The following ZNF804B variants were observed in gnomAD, a reference collection of about 807,000 sequenced individuals.
ZNF804B encodes zinc finger protein 804B.
A neutral mutation model predicts 101.4 loss-of-function variants in ZNF804B; 80 were observed. That is an observed-to-expected ratio of 0.79 (90% CI 0.66 to 0.95). The LOEUF (loss-of-function observed/expected upper bound fraction) is 0.95. Among genes scored for constraint, ZNF804B ranks in the 40% least tolerant of loss-of-function variants. The probability of loss-of-function intolerance (pLI) is 0.00; values close to 1 mark genes in which losing one functional copy is unlikely to be tolerated. For synonymous variants in ZNF804B, 622 were observed against 558.8 expected, an observed-to-expected ratio of 1.11 and a Z score of -1.59; for missense variants, 1,673 against 1,561.9, an observed-to-expected ratio of 1.07 and a Z score of -1.20.
intron 1 of ZNF804B, among the ~76,000 whole-genome samples, chr7:89,166,294 C>T (rs1402926092): frequency 6.6e-6 from 1 of 152,160 alleles, no homozygotes; most frequent in Non-Finnish European, 1.5e-5. Flanking sequence ...AACCCCTGCA[C>T]AGTCGAAAAT....
In ZNF804B at chr7:89,337,055, G is replaced by A; in HGVS notation, c.*23G>A. ...TAATAAGTGTTAAAGCCCCTCCTGT[G>A]GATAATTTTTTTAATTGTCACTACC... On this transcript the variant is annotated 3_prime_UTR_variant, in exon 4 of 4. Transcript: ENST00000333190. 5 of 1,574,006 alleles carry A rather than the reference G, an allele frequency of 3.2e-6. No individual in the cohort carries two copies. The highest frequency in any genetic ancestry group is 4.3e-6 in the Non-Finnish European group (5 of 1,159,444).
intron 1 of ZNF804B, among the ~76,000 whole-genome samples, chr7:89,053,527 G>A (rs1180591994): frequency 6.6e-6 from 1 of 151,984 alleles, no homozygotes; most frequent in Non-Finnish European, 1.5e-5. Flanking sequence ...ACTGAACTTT[G>A]CAGCAGGGAT....
At chr7:88,834,309 AT>A in intron 1 of ZNF804B, among the ~76,000 whole-genome samples, 1 of 151,972 alleles carries the variant, frequency 6.6e-6, no homozygotes, top group East Asian at 1.9e-4. Flanking sequence ...TGTTACAGCT[AT>A]TATAACCAGG....
chr7:88,952,360 A>G (rs1793236654), intron 1 of ZNF804B, among the ~76,000 whole-genome samples: 1 of 151,978 alleles, frequency 6.6e-6, no homozygotes, highest in South Asian at 2.1e-4. Context: ...TTTTATTTTA[A>G]AAATAAAAGC....
intron 1 of ZNF804B, among the ~76,000 whole-genome samples, chr7:88,800,342 A>G (rs1465446307): frequency 6.6e-6 from 1 of 152,132 alleles, no homozygotes; most frequent in African/African-American, 2.4e-5. Flanking sequence ...CACCAATAGT[A>G]TTACGGAACA....
At position 88,907,086 on chromosome 7, in the gene ZNF804B, A is replaced by G; in HGVS notation, c.108+147002A>G. 1.3e-5 allele frequency among the ~76,000 whole-genome samples: 2 copies of G among 152,160 alleles called. 1 individual carries two copies. The highest frequency in any genetic ancestry group is 4.1e-4 in the South Asian group (2 of 4,826). On this transcript the variant is annotated intron_variant, in intron 1 of 3. Transcript: ENST00000333190. ...CTTTTTTGTTTTCCATTTGCATGAT[A>G]GATATTTAACTTCATGTCCACTACA...
chr7:88,981,768 CT>C (rs1793697440), intron 1 of ZNF804B, among the ~76,000 whole-genome samples: 1 of 151,984 alleles, frequency 6.6e-6, no homozygotes, highest in Admixed American at 6.6e-5. Context: ...TAGGGTTGCA[CT>C]GAACTCTAAT....
rs568221889 is a variant in ZNF804B at position 89,014,047 on chromosome 7, T to C, written c.109-204108T>C. Among the ~76,000 whole-genome samples, 8 of 152,254 alleles carry C rather than the reference T, an allele frequency of 5.3e-5. No individual in the cohort carries two copies. In the South Asian group the frequency reaches 1.5e-3, roughly 28 times the overall value. On this transcript the variant is annotated intron_variant, in intron 1 of 3. Coordinates refer to ENST00000333190, the MANE Select transcript of ZNF804B (RefSeq NM_181646.5). Reference sequence around the variant, plus strand: ...GCAGATATGTCTTTGATATTTTTATTGCCTTCCTTTGGATAAATACTTAGT... The same window carrying C: ...GCAGATATGTCTTTGATATTTTTATCGCCTTCCTTTGGATAAATACTTAGT...
At chr7:88,808,709 A>T (rs1051690948) in intron 1 of ZNF804B, among the ~76,000 whole-genome samples, 1 of 152,222 alleles carries the variant, frequency 6.6e-6, no homozygotes, top group African/African-American at 2.4e-5. Flanking sequence ...TCTAAAAAGA[A>T]TTCAGAAAGG....
chr7:89,223,790 T>A (rs558044033), intron 2 of ZNF804B, among the ~76,000 whole-genome samples: 1 of 151,954 alleles, frequency 6.6e-6, no homozygotes, highest in South Asian at 2.1e-4. Context: ...AATAATGAAT[T>A]TCTAGCTTTG....
At chr7:89,248,773 A>C (rs1329185854) in intron 2 of ZNF804B, among the ~76,000 whole-genome samples, 2 of 152,094 alleles carry the variant, frequency 1.3e-5, no homozygotes, top group Non-Finnish European at 2.9e-5. Flanking sequence ...GACAGGATCA[A>C]CCTCACGTAT....
chr7:88,970,875 A>G (rs1052319312), intron 1 of ZNF804B, among the ~76,000 whole-genome samples: 1 of 150,980 alleles, frequency 6.6e-6, no homozygotes, highest in Admixed American at 6.6e-5. Flanking sequence ...GCTAAATGAC[A>G]AGTTAATGGG....
intron 1 of ZNF804B, among the ~76,000 whole-genome samples, chr7:89,135,780 C>T (rs1019080320): frequency 6.6e-6 from 1 of 152,010 alleles, no homozygotes; most frequent in African/African-American, 2.4e-5. Context: ...CTTTAGGCAT[C>T]ATTCCACCTA....
intron 1 of ZNF804B, among the ~76,000 whole-genome samples, chr7:89,094,156 T>C (rs34804506): frequency 6.6e-6 from 1 of 152,234 alleles, no homozygotes; most frequent in Non-Finnish European, 1.5e-5. Flanking sequence ...GAATTGTAGA[T>C]ATCATTCTAG....
At chr7:88,833,173 G>A (rs112916515) in intron 1 of ZNF804B, among the ~76,000 whole-genome samples, 8,501 of 109,974 alleles carry the variant, frequency 0.077, 360 homozygotes, top group East Asian at 0.38. Context: ...TCTATCTTCC[G>A]CTTAAAAAAA....
At chr7:89,040,163 A>C (rs979119005) in intron 1 of ZNF804B, among the ~76,000 whole-genome samples, 2 of 150,048 alleles carry the variant, frequency 1.3e-5, no homozygotes, top group African/African-American at 4.9e-5. Flanking sequence ...GGCTTTCTTT[A>C]CTCTTTTTTA....
At chr7:88,997,945 G>A (rs1022072402) in intron 1 of ZNF804B, among the ~76,000 whole-genome samples, 12 of 151,906 alleles carry the variant, frequency 7.9e-5, no homozygotes, top group Admixed American at 7.9e-4. Flanking sequence ...CTTATGTTGT[G>A]TCTTGAATGA....
intron 1 of ZNF804B, among the ~76,000 whole-genome samples, chr7:88,842,230 T>A (rs184560683): frequency 6.6e-6 from 1 of 152,186 alleles, no homozygotes; most frequent in Non-Finnish European, 1.5e-5. Flanking sequence ...TATTTTGTTA[T>A]GTCCTCATCA....
At chr7:88,982,639 G>A (rs941251531) in intron 1 of ZNF804B, among the ~76,000 whole-genome samples, 1 of 152,006 alleles carries the variant, frequency 6.6e-6, no homozygotes, top group Non-Finnish European at 1.5e-5. Context: ...CCACCCATGA[G>A]ACCTTATTTT....
Sources: allele counts gnomAD v4.1 joint callset (sites outside exome capture counted in the v4.1 genomes callset), GRCh38; gene constraint gnomAD v4.1.1; transcripts MANE v1.5; gene names NCBI Gene and HGNC (gene_info 2026-07-23, HGNC 2026-07-21).